PDSS1: variants seen among roughly 807,000 people sequenced by gnomAD.
The protein encoded by PDSS1 is all trans-polyprenyl-diphosphate synthase PDSS1.
PDSS1 carries 43 observed loss-of-function variants against 57.5 expected under a neutral mutation model. The ratio of observed to expected loss-of-function variants is 0.75; its 90% CI spans 0.59 to 0.96. The LOEUF (loss-of-function observed/expected upper bound fraction) is 0.96. Among genes scored for constraint, PDSS1 ranks in the 50% least tolerant of loss-of-function variants. PDSS1 has a pLI of 0.00. For missense variants in PDSS1, 438 were observed against 527.8 expected (o/e 0.83, Z 1.67); for synonymous variants, 175 against 191.3 (o/e 0.91, Z 0.70).
At chr10:26,740,663 A>C (rs1046925287) in intron 10 of PDSS1, 3 of 456,624 alleles carry the variant, frequency 6.6e-6, no homozygotes, top group African/African-American at 4.0e-5. Context: ...CCAGGGAAAA[A>C]CTGGCAGCTG....
chr10:26,735,609 C>A, intron 10 of PDSS1, 30 bp downstream of exon 10: 1 of 1,201,076 alleles, frequency 8.3e-7, no homozygotes, highest in Non-Finnish European at 1.2e-6. Context: ...TTTGACACAT[C>A]ACTGCATAGC....
Position 26,705,399 on chromosome 10 carries a change from G to GT in PDSS1, c.336+11dup, listed in dbSNP as rs1484456474. On this transcript the variant is annotated splice_donor_region_variant and intron_variant, in intron 4 of 11. Transcript: ENST00000376215. ...CTGTATGAGGACATTAGAAAGGTGA[G>GT]TTTTTTATTCTGCTGTGATGTAATG... 7.0e-7 allele frequency: 1 copy of GT among 1,434,946 alleles called. No homozygotes were observed. The highest frequency in any genetic ancestry group is 1.7e-5 in the Admixed American group (1 of 59,540). The allele number at this position is 1,434,946 out of a possible 1,614,324, so 88.9% of individuals were successfully genotyped here. A position where few individuals can be genotyped will look rare whatever the true frequency, so the allele number is the denominator to read the frequency against.
intron 1 of PDSS1, among the ~76,000 whole-genome samples, chr10:26,700,371 A>T (rs1488381733): frequency 1.3e-5 from 2 of 151,770 alleles, no homozygotes; most frequent in Non-Finnish European, 2.9e-5. Flanking sequence ...TGGGAGGCCG[A>T]GGCAGGAGAA....
chr10:26,730,918 C>G lies in PDSS1; in HGVS notation c.832-4322C>G, dbSNP rs1186177572. Among the ~76,000 whole-genome samples the G allele has an allele frequency of 2.0e-5, 3 of 152,150 alleles. No individual in the cohort carries two copies. The East Asian group carries it at 5.8e-4, about 29-fold the overall frequency. ...CCACATTGGTTTGTAGGATCTTCCT[C>G]ATTTTTAAAACCACTGTATCAGGGC... On this transcript the variant is annotated intron_variant, in intron 8 of 11. Transcript: ENST00000376215.
At chr10:26,710,439 G>T (rs929313133) in intron 5 of PDSS1, among the ~76,000 whole-genome samples, 1 of 91,648 alleles carries the variant, frequency 1.1e-5, no homozygotes, top group African/African-American at 3.5e-5. Flanking sequence ...TAGAGACAGG[G>T]TTTCACCGTG....
rs1215727565 is a variant in PDSS1 at position 26,742,413 on chromosome 10, A to G, written c.1027-84A>G. The G allele has an allele frequency of 6.2e-6, 6 of 964,008 alleles. No homozygotes were observed. The African/African-American group carries it at 6.4e-5, about 10-fold the overall frequency. The allele number at this position is 964,008 out of a possible 1,614,324, so 59.7% of individuals were successfully genotyped here. On this transcript the variant is annotated intron_variant, in intron 10 of 11. Transcript: ENST00000376215. ...TTTTTGTTGTTTCTTGTTATTTCCT[A>G]TTGTTACAAACTAGTGTTAGAACAC...
intron 4 of PDSS1, among the ~76,000 whole-genome samples, chr10:26,708,485 A>T (rs749326680): frequency 5.3e-5 from 8 of 152,224 alleles, no homozygotes; most frequent in Admixed American, 2.0e-4. Context: ...TATTTAATGT[A>T]CAGCATTGTT....
intron 11 of PDSS1, among the ~76,000 whole-genome samples, chr10:26,744,550 C>T (rs1345175935): frequency 1.3e-5 from 2 of 152,016 alleles, no homozygotes; most frequent in Non-Finnish European, 2.9e-5. Context: ...GCCACCACGC[C>T]CGGCTGATTT....
At chr10:26,707,393 G>C (rs559953976) in intron 4 of PDSS1, among the ~76,000 whole-genome samples, 1 of 152,036 alleles carries the variant, frequency 6.6e-6, no homozygotes, top group Non-Finnish European at 1.5e-5. Context: ...GTATTTTAGC[G>C]ACACAGTTAA....
intron 8 of PDSS1, among the ~76,000 whole-genome samples, chr10:26,724,358 A>T (rs1387411754): frequency 6.6e-6 from 1 of 152,128 alleles, no homozygotes; most frequent in Admixed American, 6.6e-5. Flanking sequence ...CCAAGAATTC[A>T]ATCAAAATAA....
At chr10:26,698,864 C>G (rs936973267) in intron 1 of PDSS1, among the ~76,000 whole-genome samples, 1 of 152,218 alleles carries the variant, frequency 6.6e-6, no homozygotes, top group African/African-American at 2.4e-5. Context: ...TGGCTCACAC[C>G]TGTAATCCCA....
chr10:26,742,610 C>T (rs1207139963), intron 11 of PDSS1, 33 bp downstream of exon 11: 1 of 1,367,228 alleles, frequency 7.3e-7, no homozygotes, highest in African/African-American at 1.4e-5. Flanking sequence ...AAGGCAGCAG[C>T]AGGAACAACG....
intron 1 of PDSS1, among the ~76,000 whole-genome samples, chr10:26,699,575 A>G (rs932910587): frequency 1.3e-5 from 2 of 151,886 alleles, no homozygotes; most frequent in African/African-American, 4.8e-5. Context: ...TTGTATTTTT[A>G]GTAGAGACGG....
chr10:26,734,715 C>G (rs887144087), intron 8 of PDSS1: 1 of 456,226 alleles, frequency 2.2e-6, no homozygotes, highest in Non-Finnish European at 4.4e-6. Flanking sequence ...TAACTGCATT[C>G]AGAAACAGGT....
At position 26,720,290 on chromosome 10, in the gene PDSS1, T is replaced by C. The variant is rs146170591; in HGVS notation, c.540T>C (p.Asp180=). The stretch of plus-strand genomic sequence containing the variant: ...TCCACACTGCTAGTCTGGTTCACGA[T>C]GACGTTATTGACGATGCAAGTTCTC... ...EMIHTASLVH[D]DVIDDASSRR... The change falls in exon 6 of 12, where the codon GAT becomes GAC. Residue 180 remains aspartate (D), a synonymous_variant. Coordinates refer to ENST00000376215, the MANE Select transcript of PDSS1 (RefSeq NM_014317.5). 3.6e-4 allele frequency: 588 copies of C among 1,614,128 alleles called. No individual in the cohort carries two copies. Among genetic ancestry groups the C allele is most frequent in the South Asian group, 1.7e-3 (158 of 91,082 alleles).
chr10:26,735,107 T>C, intron 8 of PDSS1, 133 bp from the exon 9 acceptor site: 1 of 749,300 alleles, frequency 1.3e-6, no homozygotes, highest in South Asian at 1.4e-5. Flanking sequence ...GGTGTCCCTC[T>C]GATGTCAGCA....
chr10:26,718,940 G>A (rs1405695304), intron 5 of PDSS1, among the ~76,000 whole-genome samples: 1 of 152,024 alleles, frequency 6.6e-6, no homozygotes, highest in African/African-American at 2.4e-5. Flanking sequence ...ATTTAGTGTC[G>A]ATAGTTAAAT....
In PDSS1 at chr10:26,725,865, C is replaced by T. The variant is rs142706207; in HGVS notation, c.831+1742C>T. 2.5e-3 allele frequency among the ~76,000 whole-genome samples: 383 copies of T among 152,250 alleles called. 3 individuals carry two copies. Among genetic ancestry groups the T allele is most frequent in the East Asian group, 0.011 (59 of 5,190 alleles). ...CTGAGGCGGAAGGTTTGCTTGTGAC[C>T]AGAAGTTCAAGACCAACCTAGGCAA... On this transcript the variant is annotated intron_variant, in intron 8 of 11. Transcript: ENST00000376215.
chr10:26,722,720 A>G (rs950113388), intron 6 of PDSS1, among the ~76,000 whole-genome samples: 3 of 151,862 alleles, frequency 2.0e-5, no homozygotes, highest in African/African-American at 7.3e-5. Flanking sequence ...AAAAAAAAGA[A>G]TGTAATATAT....
Sources: allele counts gnomAD v4.1 joint callset (sites outside exome capture counted in the v4.1 genomes callset), GRCh38; gene constraint gnomAD v4.1.1; transcripts MANE v1.5; gene names NCBI Gene and HGNC (gene_info 2026-07-23, HGNC 2026-07-21).